NFASC: variants seen among roughly 807,000 people sequenced by gnomAD.
The protein encoded by NFASC is neurofascin.
NFASC carries 43 observed loss-of-function variants against 147.5 expected under a neutral mutation model. The ratio of observed to expected loss-of-function variants is 0.29; its 90% CI spans 0.23 to 0.38. NFASC has a LOEUF of 0.38. Ranked by LOEUF, NFASC falls within the 10% of genes least tolerant of loss-of-function variation. The probability of loss-of-function intolerance (pLI) is 1.00; values close to 1 mark genes in which losing one functional copy is unlikely to be tolerated. For synonymous variants in NFASC, 622 were observed against 665.5 expected (o/e 0.93, Z 1.01); for missense variants, 1,320 against 1,689.0 (o/e 0.78, Z 3.83).
intron 1 of NFASC, among the ~76,000 whole-genome samples, chr1:204,843,687 T>C (rs573388282): frequency 0.012 from 1,557 of 135,148 alleles, 31 homozygotes; most frequent in African/African-American, 0.039. Flanking sequence ...TCCCTTCCTT[T>C]CTCCCTTTCT....
chr1:204,860,373 G>A (rs2076552890), intron 1 of NFASC, among the ~76,000 whole-genome samples: 1 of 152,114 alleles, frequency 6.6e-6, no homozygotes, highest in African/African-American at 2.4e-5. Context: ...AGAGGTCAGG[G>A]CACATGGGCT....
chr1:204,940,679 G>C (rs994227196), intron 2 of NFASC, among the ~76,000 whole-genome samples: 1 of 152,210 alleles, frequency 6.6e-6, no homozygotes, highest in Admixed American at 6.5e-5. Context: ...ACCTAGACAT[G>C]TCATATCTAT....
intron 2 of NFASC, among the ~76,000 whole-genome samples, chr1:204,939,031 T>C (rs2093122813): frequency 8.9e-6 from 1 of 112,960 alleles, no homozygotes; most frequent in Non-Finnish European, 1.9e-5. Context: ...TCTTCCTGTA[T>C]GGATGGATGT....
At chr1:204,964,573 AG>A (rs1299886437) in intron 8 of NFASC, among the ~76,000 whole-genome samples, 1 of 152,212 alleles carries the variant, frequency 6.6e-6, no homozygotes, top group Non-Finnish European at 1.5e-5. Context: ...TTAAACTTAC[AG>A]GAGAAATTTC....
At chr1:205,004,240 G>T (rs1558446533) in intron 27 of NFASC, among the ~76,000 whole-genome samples, 1 of 152,240 alleles carries the variant, frequency 6.6e-6, no homozygotes. Flanking sequence ...TTCAGAGTTT[G>T]ACTTCTCCAG....
chr1:204,970,877 C>T, intron 11 of NFASC, 130 bp downstream of exon 11: 1 of 1,122,468 alleles, frequency 8.9e-7, no homozygotes, highest in Non-Finnish European at 1.3e-6. Context: ...GTGGCTGTTT[C>T]TCAGCTGCCC....
intron 29 of NFASC, among the ~76,000 whole-genome samples, chr1:205,014,585 C>G (rs1349159412): frequency 1.3e-5 from 2 of 152,112 alleles, no homozygotes; most frequent in Non-Finnish European, 2.9e-5. Flanking sequence ...GTGGCCAGAC[C>G]AGGGCCACCC....
At chr1:204,950,356 T>C (rs1185111529) in intron 3 of NFASC, among the ~76,000 whole-genome samples, 2 of 152,204 alleles carry the variant, frequency 1.3e-5, no homozygotes, top group Non-Finnish European at 2.9e-5. Context: ...CATAAGGCAC[T>C]CACTGGGTCC....
At chr1:204,926,596 T>C (rs963148399) in intron 2 of NFASC, among the ~76,000 whole-genome samples, 1 of 150,196 alleles carries the variant, frequency 6.7e-6, no homozygotes, top group African/African-American at 2.4e-5. Context: ...GTGTTTTTTA[T>C]AGAGATGAAG....
rs1345028123 is a variant in NFASC, at chr1:205,020,125, C to CT, written c.*3587dup. 2 of 152,310 alleles carry CT rather than the reference C, an allele frequency of 1.3e-5. No individual in the cohort carries two copies. The highest frequency in any genetic ancestry group is 2.9e-5 in the Non-Finnish European group (2 of 68,096). 9.4% of individuals were successfully genotyped at this position (152,310 alleles called of 1,614,324 possible). A position where few individuals can be genotyped will look rare whatever the true frequency, so the allele number is the denominator to read the frequency against. ...CTGGTCCACCCCATTGCCCCTGCCC[C>CT]TGGCAAGCCCTGAAGTCGGGAGAGG... On this transcript the variant is annotated 3_prime_UTR_variant, in exon 30 of 30. Transcript: ENST00000339876.
intron 2 of NFASC, 149 bp downstream of exon 2, chr1:204,920,889 A>C (rs1438554345): frequency 1.6e-5 from 6 of 369,758 alleles, no homozygotes; most frequent in Non-Finnish European, 3.1e-5. Context: ...TTCTCCCCAG[A>C]GATAGAAGCC....
intron 1 of NFASC, among the ~76,000 whole-genome samples, chr1:204,915,297 A>T (rs35110734): frequency 0.21 from 32,325 of 151,990 alleles, 3,834 homozygotes; most frequent in East Asian, 0.43. Context: ...ATAAAAATAA[A>T]AATAATAATA....
intron 21 of NFASC, among the ~76,000 whole-genome samples, chr1:204,985,552 A>G (rs530931928): frequency 1.3e-5 from 2 of 152,188 alleles, no homozygotes; most frequent in East Asian, 3.9e-4. Context: ...TTGGCTCACT[A>G]TTTTTGGTTC....
chr1:204,907,718 A>G (rs2086309191), intron 1 of NFASC, among the ~76,000 whole-genome samples: 1 of 152,226 alleles, frequency 6.6e-6, no homozygotes, highest in Admixed American at 6.5e-5. Context: ...TTCAGAATGC[A>G]GGTCCAGTTA....
intron 1 of NFASC, among the ~76,000 whole-genome samples, chr1:204,854,580 G>A (rs1482173593): frequency 6.6e-6 from 1 of 152,136 alleles, no homozygotes; most frequent in Non-Finnish European, 1.5e-5. Flanking sequence ...CCATCCTTGT[G>A]GGAATGAACA....
intron 2 of NFASC, among the ~76,000 whole-genome samples, chr1:204,926,912 A>G (rs796346914): frequency 6.6e-5 from 10 of 151,974 alleles, no homozygotes; most frequent in African/African-American, 2.4e-4. Context: ...CGTCTCTACT[A>G]AAAATATAAA....
chr1:204,829,221 A>C (rs1671505790), intron 1 of NFASC, among the ~76,000 whole-genome samples: 11 of 131,850 alleles, frequency 8.3e-5, no homozygotes, highest in African/African-American at 2.1e-4. Flanking sequence ...TCTCTTCCCC[A>C]TCTCATGCCC....
chr1:204,967,969 G>A (rs775455221), intron 8 of NFASC: 7 of 333,930 alleles, frequency 2.1e-5, no homozygotes, highest in East Asian at 1.3e-4. Context: ...GCCCCTCCCC[G>A]TTCCAGGGAA....
At chr1:204,871,257 T>C (rs1228822410) in intron 1 of NFASC, among the ~76,000 whole-genome samples, 1 of 151,936 alleles carries the variant, frequency 6.6e-6, no homozygotes, top group African/African-American at 2.4e-5. Context: ...TTGGTTGGGG[T>C]TAAGATCTGA....
Sources: allele counts gnomAD v4.1 joint callset (sites outside exome capture counted in the v4.1 genomes callset), GRCh38; gene constraint gnomAD v4.1.1; transcripts MANE v1.5; gene names NCBI Gene and HGNC (gene_info 2026-07-23, HGNC 2026-07-21).